SH3RF1: variants seen among roughly 807,000 people sequenced by gnomAD.
SH3RF1 encodes the protein E3 ubiquitin-protein ligase SH3RF1.
In SH3RF1, 32 loss-of-function variants were observed where a neutral mutation model predicts 74.0. The ratio of observed to expected loss-of-function variants is 0.43; its 90% confidence interval spans 0.33 to 0.58. The LOEUF is 0.58. SH3RF1 is among the 20% of genes least tolerant of loss of function. SH3RF1 has a pLI of 0.05. For synonymous variants in SH3RF1, 396 were observed against 439.6 expected, an observed-to-expected ratio of 0.90 and a Z score of 1.24; for missense variants, 954 against 1,130.9, an observed-to-expected ratio of 0.84 and a Z score of 2.24.
At chr4:169,228,478 T>G (rs1378243435) in intron 2 of SH3RF1, among the ~76,000 whole-genome samples, 1 of 151,964 alleles carries the variant, frequency 6.6e-6, no homozygotes, top group African/African-American at 2.4e-5. Context: ...TTGGGGCCCC[T>G]TCCTCCATCT....
At chr4:169,163,186 A>C (rs907721564) in intron 2 of SH3RF1, among the ~76,000 whole-genome samples, 1 of 152,084 alleles carries the variant, frequency 6.6e-6, no homozygotes, top group Non-Finnish European at 1.5e-5. Context: ...CTCATCATTA[A>C]TCATTTGCAT....
chr4:169,138,603 A>C (rs1733735846), intron 4 of SH3RF1, among the ~76,000 whole-genome samples: 2 of 152,206 alleles, frequency 1.3e-5, no homozygotes, highest in Non-Finnish European at 2.9e-5. Flanking sequence ...CTTCTCATTG[A>C]GGCAAAAAAT....
chr4:169,224,010 C>T (rs1730613374), intron 2 of SH3RF1, among the ~76,000 whole-genome samples: 1 of 152,204 alleles, frequency 6.6e-6, no homozygotes, highest in Admixed American at 6.5e-5. Context: ...AATGTTTCTC[C>T]TTAAAGGCAC....
intron 10 of SH3RF1, among the ~76,000 whole-genome samples, chr4:169,109,730 C>A (rs111229650): frequency 6.6e-6 from 1 of 152,168 alleles, no homozygotes; most frequent in Non-Finnish European, 1.5e-5. Flanking sequence ...TACATTCAGG[C>A]TGGGCACAGT....
chr4:169,269,950 A>G (rs950626445), intron 1 of SH3RF1: 9 of 152,254 alleles, frequency 5.9e-5, no homozygotes, highest in Admixed American at 3.3e-4. Flanking sequence ...AGTAGTTGAT[A>G]AACTCTGAAA....
intron 5 of SH3RF1, among the ~76,000 whole-genome samples, chr4:169,132,945 A>G (rs893198778): frequency 2.6e-5 from 4 of 152,184 alleles, no homozygotes; most frequent in Admixed American, 6.5e-5. Context: ...AGCACTGCCT[A>G]TAAGTAATCT....
intron 2 of SH3RF1, among the ~76,000 whole-genome samples, chr4:169,236,206 A>G (rs779242687): frequency 2.0e-5 from 3 of 152,192 alleles, no homozygotes; most frequent in Non-Finnish European, 2.9e-5. Context: ...CCTCCTTGAA[A>G]TGGAATCATG....
At chr4:169,144,174 T>C (rs1299526084) in intron 4 of SH3RF1, among the ~76,000 whole-genome samples, 3 of 152,230 alleles carry the variant, frequency 2.0e-5, no homozygotes, top group African/African-American at 4.8e-5. Context: ...TGTAAAGTGC[T>C]ATATGAACAT....
intron 8 of SH3RF1, among the ~76,000 whole-genome samples, chr4:169,120,545 A>G (rs919300509): frequency 6.6e-6 from 1 of 152,216 alleles, no homozygotes; most frequent in Non-Finnish European, 1.5e-5. Flanking sequence ...AATACTGAAA[A>G]TGGTGTTGTT....
intron 2 of SH3RF1, among the ~76,000 whole-genome samples, chr4:169,221,407 T>C (rs1730562041): frequency 6.6e-6 from 1 of 152,180 alleles, no homozygotes; most frequent in Non-Finnish European, 1.5e-5. Flanking sequence ...TTTTAAGACC[T>C]AGTTTCCACA....
At chr4:169,266,301 G>A (rs561321820) in intron 2 of SH3RF1, among the ~76,000 whole-genome samples, 65 of 152,264 alleles carry the variant, frequency 4.3e-4, no homozygotes, top group Non-Finnish European at 6.5e-4. Context: ...AACATTCCAC[G>A]TTATCACTTT....
At position 169,189,414 on chromosome 4, in the gene SH3RF1, G is replaced by A. The variant is rs188552666; in HGVS notation, c.394-32735C>T. The stretch of plus-strand genomic sequence containing the variant: ...CAGAAGTCATGGTAGGTTAGCATGA[G>A]TTTTCTTACTCCTCATCACAGCTCT... On this transcript the variant is annotated intron_variant, in intron 2 of 11. Transcript: ENST00000284637. Among the ~76,000 whole-genome samples, 287 of 152,308 alleles carry A rather than the reference G, an allele frequency of 1.9e-3. 1 individual carries two copies. The highest frequency in any genetic ancestry group is 4.3e-3 in the Admixed American group (66 of 15,304).
intron 2 of SH3RF1, among the ~76,000 whole-genome samples, chr4:169,266,175 A>G (rs1373092144): frequency 6.6e-6 from 1 of 152,252 alleles, no homozygotes; most frequent in Non-Finnish European, 1.5e-5. Flanking sequence ...GATGTGCGTC[A>G]CACATTGGAA....
chr4:169,156,350 T>C lies in SH3RF1; in HGVS notation c.669+54A>G. ...GCAACACGAGCTATATTTCTATGTATCTGGGTACAGAGGTAGAGCTGGCAA... is the reference window on the plus strand; with the variant it reads ...GCAACACGAGCTATATTTCTATGTACCTGGGTACAGAGGTAGAGCTGGCAA... On this transcript the variant is annotated intron_variant, in intron 3 of 11. Coordinates refer to ENST00000284637, the MANE Select transcript of SH3RF1 (RefSeq NM_020870.4). 2.7e-6 allele frequency: 4 copies of C among 1,480,902 alleles called. No individual in the cohort carries two copies. In the South Asian group the frequency reaches 6.2e-5, roughly 23 times the overall value. The allele number at this position is 1,480,902 out of a possible 1,614,324, so 91.7% of individuals were successfully genotyped here. A position where few individuals can be genotyped will look rare whatever the true frequency, so the allele number is the denominator to read the frequency against.
intron 2 of SH3RF1, among the ~76,000 whole-genome samples, chr4:169,260,001 T>C (rs1731252259): frequency 6.6e-6 from 1 of 152,178 alleles, no homozygotes; most frequent in African/African-American, 2.4e-5. Flanking sequence ...TTAAACTACA[T>C]TAAGCAATAT....
At chr4:169,226,133 C>G (rs1039584442) in intron 2 of SH3RF1, among the ~76,000 whole-genome samples, 1 of 152,240 alleles carries the variant, frequency 6.6e-6, no homozygotes, top group South Asian at 2.1e-4. Context: ...TGTTGTGACT[C>G]ATAGTTTGTC....
At chr4:169,245,844 C>T (rs765884880) in intron 2 of SH3RF1, among the ~76,000 whole-genome samples, 4 of 152,116 alleles carry the variant, frequency 2.6e-5, no homozygotes, top group East Asian at 1.9e-4. Context: ...GGGGAGTATC[C>T]GTACAAGACC....
intron 9 of SH3RF1, 108 bp downstream of exon 9, chr4:169,117,415 T>C (rs1409407960): frequency 1.3e-6 from 2 of 1,500,392 alleles, no homozygotes; most frequent in Non-Finnish European, 1.8e-6. Context: ...CCTAATGTTG[T>C]TCATTATTAA....
chr4:169,134,317 TTCATTCCCAGCTCTGGTGTGGTAACG>T (rs1462915952), intron 5 of SH3RF1, among the ~76,000 whole-genome samples: 3 of 152,220 alleles, frequency 2.0e-5, no homozygotes, highest in Non-Finnish European at 4.4e-5. Flanking sequence ...TTTTATAGTC[TTCATTCCCAGCTCTGGTGTGGTAACG>T]TCAGGCATGC....
Sources: allele counts gnomAD v4.1 joint callset (sites outside exome capture counted in the v4.1 genomes callset), GRCh38; gene constraint gnomAD v4.1.1; transcripts MANE v1.5; gene names NCBI Gene and HGNC (gene_info 2026-07-23, HGNC 2026-07-21).